REEP1: variants seen among roughly 807,000 people sequenced by gnomAD.
REEP1 encodes receptor accessory protein 1, also known as receptor expression-enhancing protein 1.
In REEP1, 22 loss-of-function variants were observed where a neutral mutation model predicts 40.3. The observed-to-expected ratio is 0.55, with a 90% CI of 0.39 to 0.78. The LOEUF (loss-of-function observed/expected upper bound fraction) is 0.78. Among genes scored for constraint, REEP1 ranks in the 30% least tolerant of loss-of-function variants. The pLI, the probability that REEP1 is intolerant of heterozygous loss-of-function variation, is 0.00. For synonymous variants in REEP1, 116 were observed against 139.2 expected (o/e 0.83, Z 1.17); for missense variants, 280 against 361.1 (o/e 0.78, Z 1.82).
At chr2:86,227,515 A>G in intron 6 of REEP1, 117 bp from the exon 7 acceptor site, 1 of 829,150 alleles carries the variant, frequency 1.2e-6, no homozygotes, top group Non-Finnish European at 1.6e-6. Context: ...CAATATAGGG[A>G]TCCCAGGAAG....
chr2:86,316,970 A>G (rs931868462), intron 1 of REEP1, among the ~76,000 whole-genome samples: 1 of 152,226 alleles, frequency 6.6e-6, no homozygotes, highest in Non-Finnish European at 1.5e-5. Context: ...GATTCAAAGA[A>G]ATTGTAAATC....
intron 5 of REEP1, among the ~76,000 whole-genome samples, chr2:86,243,994 G>T (rs1161372222): frequency 6.6e-6 from 1 of 152,194 alleles, no homozygotes; most frequent in African/African-American, 2.4e-5. Flanking sequence ...CTGGTTAGGG[G>T]ACAGCAGTCA....
intron 1 of REEP1, among the ~76,000 whole-genome samples, chr2:86,320,287 A>G (rs1370762728): frequency 6.6e-6 from 1 of 152,222 alleles, no homozygotes; most frequent in Non-Finnish European, 1.5e-5. Flanking sequence ...TTACACTACC[A>G]ACGTGGTCAA....
At chr2:86,291,422 GTTC>G (rs1388248076) in intron 1 of REEP1, among the ~76,000 whole-genome samples, 1 of 152,166 alleles carries the variant, frequency 6.6e-6, no homozygotes, top group Non-Finnish European at 1.5e-5. Flanking sequence ...AACGAGACAT[GTTC>G]TTCTTTTTCA....
chr2:86,230,292 T>A (rs910275454), intron 6 of REEP1, among the ~76,000 whole-genome samples: 4 of 152,240 alleles, frequency 2.6e-5, no homozygotes, highest in Admixed American at 2.0e-4. Context: ...TGCCAGCTTC[T>A]TGCATTCCCA....
At chr2:86,257,329 T>C (rs867272918) in intron 3 of REEP1, among the ~76,000 whole-genome samples, 2 of 148,012 alleles carry the variant, frequency 1.4e-5, no homozygotes, top group South Asian at 2.1e-4. Context: ...AGGTCATGCA[T>C]GCATATAGTT....
chr2:86,297,274 C>T (rs576803740), intron 1 of REEP1, among the ~76,000 whole-genome samples: 1 of 152,318 alleles, frequency 6.6e-6, no homozygotes, highest in African/African-American at 2.4e-5. Context: ...AGCTTGGGGA[C>T]CTTGGTGCTG....
intron 2 of REEP1, 27 bp downstream of exon 2, chr2:86,282,143 C>T: frequency 1.3e-6 from 2 of 1,534,206 alleles, no homozygotes; most frequent in Non-Finnish European, 1.8e-6. Context: ...CCAGCCAACC[C>T]GCTCGAAAAT....
intron 1 of REEP1, among the ~76,000 whole-genome samples, chr2:86,318,444 G>T (rs1418081644): frequency 4.0e-5 from 6 of 148,290 alleles, no homozygotes; most frequent in Non-Finnish European, 5.9e-5. Flanking sequence ...TGTCACCCAG[G>T]CTGGAGTGCA....
chr2:86,309,867 G>A (rs921575575), intron 1 of REEP1, among the ~76,000 whole-genome samples: 1 of 152,130 alleles, frequency 6.6e-6, no homozygotes, highest in African/African-American at 2.4e-5. Context: ...GGGGGCAATT[G>A]GCTGCCTCTG....
intron 5 of REEP1, among the ~76,000 whole-genome samples, chr2:86,248,317 G>A (rs895001485): frequency 1.1e-4 from 16 of 152,332 alleles, no homozygotes; most frequent in South Asian, 2.1e-4. Flanking sequence ...AGTTGAGGGT[G>A]TTTTGTGGGA....
chr2:86,217,080 T>C lies in REEP1; in HGVS notation c.814A>G (p.Arg272Gly), dbSNP rs1484818890. 6.2e-7 allele frequency: 1 copy of C among 1,614,160 alleles called. No individual in the cohort carries two copies. Among genetic ancestry groups the C allele is most frequent in the African/African-American group, 1.3e-5 (1 of 75,058 alleles). ...GCCGAGGATGAGGTACTTTTCTTCC[T>C]GAAGCGAGATCGAAGGATTCTAGGC... ...APPRILRSRF[R>G]KKSTSSSATE... The change falls in exon 9 of 9, where the codon AGG becomes GGG. Residue 272 changes from arginine (R) to glycine (G), a missense_variant. This residue lies in a region of REEP1 where 201 missense variants were observed against 238.5 expected (regional missense o/e 0.84). Transcript: ENST00000538924.
At chr2:86,255,320 C>G (rs1676496897) in intron 3 of REEP1, among the ~76,000 whole-genome samples, 1 of 152,196 alleles carries the variant, frequency 6.6e-6, no homozygotes, top group Non-Finnish European at 1.5e-5. Context: ...TGGCTGCCTT[C>G]TTGGCCCAAA....
chr2:86,314,734 G>T (rs113322457), intron 1 of REEP1, among the ~76,000 whole-genome samples: 3 of 149,436 alleles, frequency 2.0e-5, no homozygotes, highest in African/African-American at 7.4e-5. Flanking sequence ...GCAGTGGCGC[G>T]ATCTTGGCTC....
At chr2:86,251,012 TCAC>T (rs916394368) in intron 5 of REEP1, among the ~76,000 whole-genome samples, 24 of 152,082 alleles carry the variant, frequency 1.6e-4, no homozygotes, top group African/African-American at 5.3e-4. Flanking sequence ...AACCCTCACA[TCAC>T]CACAAGGGAC....
intron 2 of REEP1, among the ~76,000 whole-genome samples, chr2:86,277,136 G>A (rs993450105): frequency 2.0e-5 from 3 of 152,154 alleles, no homozygotes; most frequent in African/African-American, 7.2e-5. Context: ...TGGGCTTTGA[G>A]GTGCTAACTG....
intron 1 of REEP1, among the ~76,000 whole-genome samples, chr2:86,312,450 T>C (rs1161559031): frequency 6.6e-6 from 1 of 152,168 alleles, no homozygotes; most frequent in Non-Finnish European, 1.5e-5. Context: ...GATCCATTCA[T>C]GGAGATGGGG....
At chr2:86,317,581 C>T (rs914821890) in intron 1 of REEP1, among the ~76,000 whole-genome samples, 5 of 152,286 alleles carry the variant, frequency 3.3e-5, no homozygotes, top group South Asian at 2.1e-4. Context: ...GTAAAACTGC[C>T]GCTAGTACTT....
intron 5 of REEP1, among the ~76,000 whole-genome samples, chr2:86,239,208 CAAAAAA>C (rs35714309): frequency 1.9e-4 from 11 of 58,358 alleles, no homozygotes; most frequent in Non-Finnish European, 2.3e-4. Context: ...CCATCTAGAC[CAAAAAA>C]AAAAAAAAAA....
Sources: allele counts gnomAD v4.1 joint callset (sites outside exome capture counted in the v4.1 genomes callset), GRCh38; gene constraint gnomAD v4.1.1; regional missense constraint gnomAD v4.1.1; transcripts MANE v1.5; gene names NCBI Gene and HGNC (gene_info 2026-07-23, HGNC 2026-07-21).